The following CPNE4 variants were observed in gnomAD, a reference collection of about 807,000 sequenced individuals.
The protein encoded by CPNE4 is copine 4.
CPNE4 carries 25 observed loss-of-function variants against 67.9 expected under a neutral mutation model. The observed-to-expected ratio is 0.37, with a 90% CI of 0.27 to 0.51. The LOEUF (loss-of-function observed/expected upper bound fraction) is 0.51, where lower values mean the gene tolerates loss of function less well. Among genes scored for constraint, CPNE4 ranks in the 20% least tolerant of loss-of-function variants. The pLI is 0.93. For synonymous variants in CPNE4, 242 were observed against 244.9 expected (o/e 0.99, Z 0.11); for missense variants, 464 against 690.8 (o/e 0.67, Z 3.68).
intron 7 of CPNE4, among the ~76,000 whole-genome samples, chr3:131,626,768 TAGGACTTTCTTAGCTAGAGAGGAG>T (rs2079084232): frequency 6.6e-6 from 1 of 152,242 alleles, no homozygotes; most frequent in Non-Finnish European, 1.5e-5. Context: ...AAATGCCATC[TAGGACTTTCTTAGCTAGAGAGGAG>T]AAGTCAATGC....
chr3:131,605,640 G>A (rs1263440555), intron 7 of CPNE4, among the ~76,000 whole-genome samples: 3 of 152,076 alleles, frequency 2.0e-5, no homozygotes, highest in Admixed American at 6.6e-5. Flanking sequence ...GTTAAGTAGC[G>A]AATGAATGAA....
intron 2 of CPNE4, among the ~76,000 whole-genome samples, chr3:131,733,184 T>C (rs2082165283): frequency 6.6e-6 from 1 of 152,210 alleles, no homozygotes; most frequent in Non-Finnish European, 1.5e-5. Flanking sequence ...TCCCATGACA[T>C]AGCACCTCTC....
chr3:131,924,793 G>T (rs1014321483), intron 1 of CPNE4, among the ~76,000 whole-genome samples: 1 of 152,096 alleles, frequency 6.6e-6, no homozygotes, highest in Non-Finnish European at 1.5e-5. Context: ...CAGTGTAAAC[G>T]TGAGTGTTAT....
intron 2 of CPNE4, among the ~76,000 whole-genome samples, chr3:131,760,295 C>G (rs2082855297): frequency 6.6e-6 from 1 of 152,070 alleles, no homozygotes; most frequent in South Asian, 2.1e-4. Flanking sequence ...GTAACTTAAT[C>G]CTCACAGCAT....
intron 7 of CPNE4, among the ~76,000 whole-genome samples, chr3:131,611,711 C>A (rs1246351367): frequency 6.6e-6 from 1 of 151,898 alleles, no homozygotes; most frequent in Non-Finnish European, 1.5e-5. Flanking sequence ...GCATACCAGC[C>A]CCTGCTTTCA....
chr3:131,555,676 T>C (rs2107651513), intron 11 of CPNE4, 125 bp from the exon 12 acceptor site: 1 of 741,728 alleles, frequency 1.3e-6, no homozygotes, highest in South Asian at 1.6e-5. Flanking sequence ...TGCTGACTCA[T>C]GCTTCTTGAT....
chr3:131,702,999 G>T (rs532461949), intron 3 of CPNE4, among the ~76,000 whole-genome samples: 1 of 152,256 alleles, frequency 6.6e-6, no homozygotes, highest in South Asian at 2.1e-4. Flanking sequence ...ATTTTTCATT[G>T]TAATAATGAT....
chr3:131,946,647 C>A (rs2071560027), intron 1 of CPNE4, among the ~76,000 whole-genome samples: 1 of 152,070 alleles, frequency 6.6e-6, no homozygotes, highest in East Asian at 1.9e-4. Context: ...AGATATCAGA[C>A]CTTTATCTAA....
At chr3:131,650,475 C>T (rs906307375) in intron 7 of CPNE4, among the ~76,000 whole-genome samples, 10 of 146,192 alleles carry the variant, frequency 6.8e-5, no homozygotes, top group Non-Finnish European at 8.9e-5. Context: ...TCTATTATTG[C>T]GGCCGGGCGC....
chr3:131,873,721 T>C (rs550010221), intron 2 of CPNE4, among the ~76,000 whole-genome samples: 1 of 152,190 alleles, frequency 6.6e-6, no homozygotes, highest in South Asian at 2.1e-4. Flanking sequence ...TCTAGAAGGA[T>C]GACTGACCCA....
At chr3:131,917,034 T>C (rs961284799) in intron 1 of CPNE4, among the ~76,000 whole-genome samples, 1 of 152,160 alleles carries the variant, frequency 6.6e-6, no homozygotes, top group African/African-American at 2.4e-5. Flanking sequence ...TGTTGATTGG[T>C]GGTGACTGCC....
At chr3:131,557,181 C>T (rs1306284801) in intron 11 of CPNE4, among the ~76,000 whole-genome samples, 2 of 152,124 alleles carry the variant, frequency 1.3e-5, no homozygotes, top group Admixed American at 6.5e-5. Context: ...GGGTGGCTGT[C>T]GCCATAGGGC....
intron 7 of CPNE4, among the ~76,000 whole-genome samples, chr3:131,643,206 C>G (rs1000272771): frequency 2.0e-5 from 3 of 152,294 alleles, no homozygotes; most frequent in African/African-American, 7.2e-5. Flanking sequence ...AGTTTGGTGG[C>G]ATTTTGCCCT....
At chr3:131,962,505 G>A (rs1348071194) in intron 1 of CPNE4, among the ~76,000 whole-genome samples, 1 of 152,164 alleles carries the variant, frequency 6.6e-6, no homozygotes, top group Non-Finnish European at 1.5e-5. Context: ...TACACAAAGA[G>A]CATAGACTGG....
At chr3:131,896,534 TA>T (rs1170476164) in intron 2 of CPNE4, among the ~76,000 whole-genome samples, 1 of 151,576 alleles carries the variant, frequency 6.6e-6, no homozygotes, top group Non-Finnish European at 1.5e-5. Flanking sequence ...ATGTAAAGAG[TA>T]AAAAAAATAA....
At chr3:131,858,401 CAG>C (rs1213061528) in intron 2 of CPNE4, among the ~76,000 whole-genome samples, 2 of 151,978 alleles carry the variant, frequency 1.3e-5, no homozygotes, top group Non-Finnish European at 1.5e-5. Flanking sequence ...GATAAGAAAA[CAG>C]AGAAGCACAG....
intron 2 of CPNE4, among the ~76,000 whole-genome samples, chr3:131,762,746 C>A (rs555089575): frequency 6.6e-6 from 1 of 152,026 alleles, no homozygotes; most frequent in African/African-American, 2.4e-5. Context: ...GCCTGGATAG[C>A]AACATAAAAG....
intron 2 of CPNE4, among the ~76,000 whole-genome samples, chr3:131,825,220 G>A (rs554697083): frequency 7.9e-5 from 12 of 152,216 alleles, no homozygotes; most frequent in African/African-American, 2.4e-4. Context: ...ATTTCTGGCC[G>A]GGCGCAGTAG....
chr3:131,593,920 A>G (rs1294911863), intron 7 of CPNE4, among the ~76,000 whole-genome samples: 2 of 151,956 alleles, frequency 1.3e-5, no homozygotes, highest in African/African-American at 4.8e-5. Flanking sequence ...GGGTTTCACC[A>G]TGTTGGCCAG....
Sources: gnomAD v4.1 joint callset for allele counts (sites outside exome capture counted in the v4.1 genomes callset) on GRCh38, gnomAD v4.1.1 for gene constraint, MANE v1.5 for transcripts, NCBI Gene and HGNC (gene_info 2026-07-23, HGNC 2026-07-21) for gene names.